Variants in RAPGEF1 observed in about 807,000 individuals in gnomAD.
The protein encoded by RAPGEF1 is Rap guanine nucleotide exchange factor 1.
A neutral mutation model predicts 143.3 loss-of-function variants in RAPGEF1; 33 were observed. That is an observed-to-expected ratio of 0.23 (90% CI 0.17 to 0.31). The LOEUF is 0.31. Among genes scored for constraint, RAPGEF1 ranks in the 10% least tolerant of loss-of-function variants. The pLI is 1.00. For missense variants in RAPGEF1, 1,199 were observed against 1,645.4 expected (o/e 0.73, Z 4.69); for synonymous variants, 629 against 676.5 (o/e 0.93, Z 1.09).
At chr9:131,613,835 G>A (rs1182704007) in intron 12 of RAPGEF1, among the ~76,000 whole-genome samples, 1 of 152,178 alleles carries the variant, frequency 6.6e-6, no homozygotes, top group African/African-American at 2.4e-5. Context: ...GTATGGACTG[G>A]TAGATGCTAA....
At chr9:131,657,600 T>G (rs540307372) in intron 1 of RAPGEF1, among the ~76,000 whole-genome samples, 2 of 127,290 alleles carry the variant, frequency 1.6e-5, no homozygotes, top group Admixed American at 1.6e-4. Context: ...GTACCTGAAC[T>G]GTCTAACACG....
At chr9:131,735,589 T>C (rs1837361992) in intron 1 of RAPGEF1, among the ~76,000 whole-genome samples, 1 of 152,144 alleles carries the variant, frequency 6.6e-6, no homozygotes, top group Non-Finnish European at 1.5e-5. Flanking sequence ...GATGGAGTAA[T>C]GAGTCAATGA....
intron 1 of RAPGEF1, among the ~76,000 whole-genome samples, chr9:131,672,424 G>C (rs73561727): frequency 0.018 from 2,741 of 152,290 alleles, 78 homozygotes; most frequent in African/African-American, 0.062. Context: ...ACATGGGAGG[G>C]GGTCTGGATG....
rs1321249130 is a variant in RAPGEF1, at chr9:131,621,943, G to C, written c.1758C>G (p.Phe586Leu). The C allele has an allele frequency of 6.2e-7, 1 of 1,613,818 alleles. No individual in the cohort carries two copies. The highest frequency in any genetic ancestry group is 1.7e-5 in the Admixed American group (1 of 59,976). Residue 586 changes from phenylalanine (F) to leucine (L), a missense_variant, in exon 11 of 27, where the codon TTC (phenylalanine) becomes TTG (leucine). By Grantham distance (22) the Phe-to-Leu change is conservative (BLOSUM62 0). Transcript: ENST00000683357. This position sits in a 1 kb window ranked among gnomAD's most constrained non-coding sequence, Gnocchi z 4.5. The part of the protein sequence containing the change: ...EDYSEPQPSM[F>L]YQTPQNEHIY... The stretch of plus-strand genomic sequence containing the variant: ...TGTGCTCGTTCTGTGGCGTCTGGTA[G>C]AACATAGAGGGCTGCGGCTCCGAGT...
In RAPGEF1 at chr9:131,655,467, C is replaced by T. The variant is rs1972199034; in HGVS notation, c.62-4518G>A. ...TGAACTGGGATGGTGTGACTTCTCC[C>T]GCTCCCCTCTGTCCTGCCTCTTCTC... On this transcript the variant is annotated intron_variant, in intron 1 of 26. Coordinates refer to ENST00000683357, the MANE Select transcript of RAPGEF1 (RefSeq NM_001377935.1). The surrounding 1 kb of genome is among the most constrained non-coding windows in gnomAD (Gnocchi z 4.1). Among the ~76,000 whole-genome samples the T allele has an allele frequency of 6.6e-6, 1 of 152,214 alleles. No homozygotes were observed. The highest frequency in any genetic ancestry group is 1.5e-5 in the Non-Finnish European group (1 of 68,030).
chr9:131,730,697 C>CAACAAAAAA (rs1837000736), intron 1 of RAPGEF1, among the ~76,000 whole-genome samples: 1 of 80,374 alleles, frequency 1.2e-5, no homozygotes, highest in Non-Finnish European at 2.3e-5. Context: ...GACTCCATCT[C>CAACAAAAAA]AAAAAAAAAA....
chr9:131,601,077 C>T (rs187396297), intron 15 of RAPGEF1, among the ~76,000 whole-genome samples: 53 of 142,954 alleles, frequency 3.7e-4, no homozygotes, highest in Middle Eastern at 3.8e-3. Flanking sequence ...GAAGCTGAGG[C>T]GGGAGAATCG....
intron 1 of RAPGEF1, among the ~76,000 whole-genome samples, chr9:131,690,017 T>C (rs1025212764): frequency 5.3e-5 from 8 of 152,232 alleles, no homozygotes; most frequent in Non-Finnish European, 8.8e-5. Flanking sequence ...TGTGAGTCTG[T>C]TAATAAACAT....
chr9:131,722,686 G>A (rs573873143), intron 1 of RAPGEF1, among the ~76,000 whole-genome samples: 130 of 152,336 alleles, frequency 8.5e-4, no homozygotes, highest in African/African-American at 3.0e-3. Flanking sequence ...CCATCCAGAG[G>A]TGCAGGATCT....
At position 131,732,032 on chromosome 9, in the gene RAPGEF1, T is replaced by G. The variant is rs565379608; in HGVS notation, c.61+7738A>C. ...ACAGCAGATTTCTAATAAATTCAGA[T>G]GAACCTCCCCCCCTGTACCTTAGCT... On this transcript the variant is annotated intron_variant, in intron 1 of 26. Transcript: ENST00000683357. Among the ~76,000 whole-genome samples the G allele has an allele frequency of 1.5e-4, 23 of 152,180 alleles. No homozygotes were observed. In the East Asian group the frequency reaches 4.2e-3, roughly 28 times the overall value.
intron 3 of RAPGEF1, among the ~76,000 whole-genome samples, chr9:131,648,928 G>T (rs1316291245): frequency 6.6e-6 from 1 of 152,222 alleles, no homozygotes; most frequent in African/African-American, 2.4e-5. Flanking sequence ...ATGGATGGCT[G>T]TGACAGTAGT....
chr9:131,586,365 CA>C (rs1952804042), intron 22 of RAPGEF1, among the ~76,000 whole-genome samples: 1 of 143,242 alleles, frequency 7.0e-6, no homozygotes. Context: ...CACACACACA[CA>C]CACACACCCA....
chr9:131,644,610 C>G (rs746123817), intron 3 of RAPGEF1, among the ~76,000 whole-genome samples: 1 of 151,982 alleles, frequency 6.6e-6, no homozygotes, highest in African/African-American at 2.4e-5. Flanking sequence ...TACAGACAAA[C>G]AAATGGTAGA....
rs1458510403 is a variant in RAPGEF1, at chr9:131,667,375, A to G, written c.62-16426T>C. Among the ~76,000 whole-genome samples, 34 of 152,316 alleles carry G rather than the reference A, an allele frequency of 2.2e-4. No individual in the cohort carries two copies. The highest frequency in any genetic ancestry group is 2.9e-5 in the Non-Finnish European group (2 of 68,014). ...CGCCTTAGGCAGGGCTCAGGGCAGC[A>G]CTGGAGTCCCAGACTATGGAGCCCT... On this transcript the variant is annotated intron_variant, in intron 1 of 26. Coordinates refer to ENST00000683357, the MANE Select transcript of RAPGEF1 (RefSeq NM_001377935.1). This position sits in a 1 kb window ranked among gnomAD's most constrained non-coding sequence, Gnocchi z 4.6.
chr9:131,709,557 C>T (rs1368690794), intron 1 of RAPGEF1: 3 of 1,507,610 alleles, frequency 2.0e-6, no homozygotes, highest in Admixed American at 1.7e-5. Context: ...GCTGCTGGGC[C>T]AGTCTCTCAG....
chr9:131,721,947 C>G (rs914344389), intron 1 of RAPGEF1, among the ~76,000 whole-genome samples: 3 of 152,108 alleles, frequency 2.0e-5, no homozygotes, highest in African/African-American at 7.2e-5. Context: ...CTGGGGGTCC[C>G]AAAAATCAAT....
At chr9:131,636,431 T>C (rs1362540758) in intron 5 of RAPGEF1, among the ~76,000 whole-genome samples, 1 of 152,252 alleles carries the variant, frequency 6.6e-6, no homozygotes, top group Admixed American at 6.5e-5. Flanking sequence ...CTCTCTCCTT[T>C]TTTTTTCCCC....
At chr9:131,709,556 CCA>C (rs1564190236) in intron 1 of RAPGEF1, 4 of 1,503,760 alleles carry the variant, frequency 2.7e-6, no homozygotes, top group Non-Finnish European at 3.7e-6. Context: ...TGCTGCTGGG[CCA>C]GTCTCTCAGA....
rs1952318436 is a variant in RAPGEF1 at position 131,584,120 on chromosome 9, TG to T, written c.3414+190del. ...ACCAACCTCGAAGCTCCCGGGGGCC[TG>T]AAGATTGGGGATCAGAGACAGGAAG... On this transcript the variant is annotated intron_variant, in intron 24 of 26. Transcript: ENST00000683357. The surrounding 1 kb of genome is among the most constrained non-coding windows in gnomAD (Gnocchi z 6.8). Among the ~76,000 whole-genome samples, 1 of 152,088 alleles carries T rather than the reference TG, an allele frequency of 6.6e-6. No individual in the cohort carries two copies. The highest frequency in any genetic ancestry group is 2.1e-4 in the South Asian group (1 of 4,818).
Sources: allele counts gnomAD v4.1 joint callset (sites outside exome capture counted in the v4.1 genomes callset), GRCh38; gene constraint gnomAD v4.1.1; non-coding constraint Gnocchi (gnomAD v3.1); transcripts MANE v1.5; gene names NCBI Gene and HGNC (gene_info 2026-07-23, HGNC 2026-07-21).